The following DCT variants were observed in gnomAD, a reference collection of about 807,000 sequenced individuals.
The protein encoded by DCT is L-dopachrome tautomerase.
A neutral mutation model predicts 53.0 loss-of-function variants in DCT; 47 were observed. The observed-to-expected ratio is 0.89, with a 90% confidence interval of 0.70 to 1.13. The LOEUF (loss-of-function observed/expected upper bound fraction) is 1.13. Among genes scored for constraint, DCT ranks in the 50% most tolerant of loss-of-function variants. The pLI is 0.00. For missense variants in DCT, 669 were observed against 637.4 expected, an observed-to-expected ratio of 1.05 and a Z score of -0.53; for synonymous variants, 244 against 237.0, an observed-to-expected ratio of 1.03 and a Z score of -0.27.
chr13:94,483,627 G>A (rs960333684), upstream of DCT, among the ~76,000 whole-genome samples: 4 of 151,894 alleles, frequency 2.6e-5, no homozygotes, highest in Admixed American at 6.6e-5. Context: ...TCTGCCTCTC[G>A]AGTACCTGGG....
Position 94,479,434 on chromosome 13 carries a change from A to G in DCT, c.-179T>C. ...AATCACAGAGGTTACATGTGTGCACATGTGTACATGAACGTGCACACACAA... is the reference window on the plus strand; with the variant it reads ...AATCACAGAGGTTACATGTGTGCACGTGTGTACATGAACGTGCACACACAA... On this transcript the variant is annotated 5_prime_UTR_variant, in exon 1 of 8. It removes an upstream start codon present in the reference 5' UTR. Transcript: ENST00000377028. 1.6e-6 allele frequency: 1 copy of G among 607,308 alleles called. No homozygotes were observed. Among genetic ancestry groups the G allele is most frequent in the East Asian group, 2.8e-5 (1 of 35,212 alleles). The allele number at this position is 607,308 out of a possible 1,614,324, so 37.6% of individuals were successfully genotyped here. A position where few individuals can be genotyped will look rare whatever the true frequency, so the allele number is the denominator to read the frequency against.
At chr13:94,508,987 C>T in the DCT span, among the ~76,000 whole-genome samples, 1 of 152,156 alleles carries the variant, frequency 6.6e-6, no homozygotes, top group Admixed American at 6.5e-5. Context: ...CTGAATCAGA[C>T]ACTACTGAGA....
the DCT span, among the ~76,000 whole-genome samples, chr13:94,518,419 A>T: frequency 6.6e-6 from 1 of 152,162 alleles, no homozygotes. Flanking sequence ...TTTTCTCATG[A>T]TCTCACTCTC....
chr13:94,523,377 G>C, the DCT span, among the ~76,000 whole-genome samples: 1 of 152,146 alleles, frequency 6.6e-6, no homozygotes, highest in South Asian at 2.1e-4. Context: ...GCCTTTCCCT[G>C]GGGGGTGGAC....
the DCT span, among the ~76,000 whole-genome samples, chr13:94,494,219 C>A: frequency 7.2e-5 from 11 of 152,288 alleles, no homozygotes; most frequent in Non-Finnish European, 1.5e-4. Flanking sequence ...CAGCTTTTAA[C>A]ATCTGCCTTC....
At chr13:94,502,863 T>G in the DCT span, among the ~76,000 whole-genome samples, 1 of 152,188 alleles carries the variant, frequency 6.6e-6, no homozygotes, top group Non-Finnish European at 1.5e-5. Flanking sequence ...TTCCAGCCAC[T>G]GTGAGCCTGC....
At chr13:94,472,655 C>T (rs1189087508) in intron 1 of DCT, among the ~76,000 whole-genome samples, 1 of 138,322 alleles carries the variant, frequency 7.2e-6, no homozygotes, top group African/African-American at 2.7e-5. Flanking sequence ...GATCTCAGCT[C>T]CCTGCAACAA....
rs186664427 is a variant in DCT, at chr13:94,462,413, T to C, written c.864-224A>G. Among the ~76,000 whole-genome samples the C allele has an allele frequency of 1.7e-3, 257 of 151,216 alleles. 1 individual carries two copies. Among genetic ancestry groups the C allele is most frequent in the African/African-American group, 5.8e-3 (240 of 41,160 alleles). On this transcript the variant is annotated intron_variant, in intron 4 of 7. Transcript: ENST00000377028. ...TACTCAGGAGGCTAAGGCAGGAGAA[T>C]CGCTTGAACCCAGGAGACAGAGGCT...
upstream of DCT, among the ~76,000 whole-genome samples, chr13:94,483,690 C>T (rs538759723): frequency 4.6e-5 from 7 of 152,118 alleles, no homozygotes; most frequent in East Asian, 3.9e-4. Context: ...TCAGTAGAGA[C>T]GAAGTTTCAC....
intron 7 of DCT, among the ~76,000 whole-genome samples, chr13:94,442,793 A>G (rs1386830107): frequency 6.6e-6 from 1 of 152,242 alleles, no homozygotes; most frequent in Non-Finnish European, 1.5e-5. Context: ...TAAATGGGAA[A>G]TGACTGATTC....
At chr13:94,463,849 C>T (rs1176562482) in intron 4 of DCT, among the ~76,000 whole-genome samples, 1 of 152,176 alleles carries the variant, frequency 6.6e-6, no homozygotes, top group African/African-American at 2.4e-5. Flanking sequence ...TGAAAAAGGT[C>T]TCCAAGGCCT....
chr13:94,504,179 T>C, the DCT span, among the ~76,000 whole-genome samples: 1 of 152,232 alleles, frequency 6.6e-6, no homozygotes, highest in Admixed American at 6.5e-5. Context: ...GTAATTAATC[T>C]TCAGCTAAAA....
At chr13:94,490,504 C>CAGAAAAAAAAAAA in the DCT span, among the ~76,000 whole-genome samples, 1 of 35,474 alleles carries the variant, frequency 2.8e-5, no homozygotes, top group African/African-American at 1.1e-4. Context: ...GACTCGGTCT[C>CAGAAAAAAAAAAA]AAAAAAAAAA....
the DCT span, among the ~76,000 whole-genome samples, chr13:94,487,307 C>G: frequency 2.6e-5 from 4 of 152,188 alleles, no homozygotes; most frequent in South Asian, 4.1e-4. Flanking sequence ...GAAAGCAATT[C>G]ATTTTACTCT....
At chr13:94,469,078 G>A (rs1207949889) in intron 1 of DCT, 33 bp from the exon 2 acceptor site, 3 of 1,570,314 alleles carry the variant, frequency 1.9e-6, no homozygotes, top group Non-Finnish European at 8.8e-7. Context: ...GGAAAGGAAG[G>A]GGGTTTATGT....
intron 6 of DCT, among the ~76,000 whole-genome samples, chr13:94,452,417 T>C (rs1883154960): frequency 6.6e-6 from 1 of 152,156 alleles, no homozygotes; most frequent in Non-Finnish European, 1.5e-5. Flanking sequence ...GATGAAAAAG[T>C]GTGATGACAC....
intron 3 of DCT, 26 bp from the exon 4 acceptor site, chr13:94,465,825 A>G (rs748759639): frequency 1.3e-6 from 2 of 1,596,286 alleles, no homozygotes; most frequent in Admixed American, 1.7e-5. Flanking sequence ...AGGCCTAGTC[A>G]TTTAATCCAT....
At chr13:94,525,321 C>A in the DCT span, among the ~76,000 whole-genome samples, 4 of 152,196 alleles carry the variant, frequency 2.6e-5, no homozygotes, top group African/African-American at 9.6e-5. Context: ...AGGCTGGTTT[C>A]GAACTCCTGA....
At chr13:94,486,423 T>C in the DCT span, among the ~76,000 whole-genome samples, 3 of 152,182 alleles carry the variant, frequency 2.0e-5, no homozygotes, top group Non-Finnish European at 4.4e-5. Context: ...CTCATTCTGA[T>C]GGAGGAGATT....
Sources: gnomAD v4.1 joint callset for allele counts (sites outside exome capture counted in the v4.1 genomes callset) on GRCh38, gnomAD v4.1.1 for gene constraint, MANE v1.5 for transcripts, NCBI Gene and HGNC (gene_info 2026-07-23, HGNC 2026-07-21) for gene names.